VPS50: variants seen among roughly 807,000 people sequenced by gnomAD.
The protein encoded by VPS50 is syndetin.
In VPS50, 70 loss-of-function variants were observed where a neutral mutation model predicts 139.7. That is an observed-to-expected ratio of 0.50 (90% CI 0.41 to 0.61). VPS50 has a LOEUF of 0.61. VPS50 is among the 20% of genes least tolerant of loss of function. The pLI is 0.00. For synonymous variants in VPS50, 365 were observed against 376.7 expected, an observed-to-expected ratio of 0.97 and a Z score of 0.36; for missense variants, 921 against 1,133.7, an observed-to-expected ratio of 0.81 and a Z score of 2.69.
At chr7:93,325,512 C>A (rs1202501654) in intron 21 of VPS50, among the ~76,000 whole-genome samples, 1 of 151,630 alleles carries the variant, frequency 6.6e-6, no homozygotes, top group Non-Finnish European at 1.5e-5. Flanking sequence ...AGTGAACAGG[C>A]AACCTACAAA....
chr7:93,325,386 A>G (rs977925326), intron 21 of VPS50, among the ~76,000 whole-genome samples: 8 of 152,096 alleles, frequency 5.3e-5, no homozygotes, highest in South Asian at 2.1e-4. Flanking sequence ...GGACATAGGC[A>G]TGGGCAAGGA....
At chr7:93,356,528 C>T (rs765076971) in intron 27 of VPS50, among the ~76,000 whole-genome samples, 2 of 152,146 alleles carry the variant, frequency 1.3e-5, no homozygotes, top group Non-Finnish European at 2.9e-5. Flanking sequence ...CACACTGACA[C>T]GTATTAGTGA....
At chr7:93,271,842 T>C (rs1004893315) in intron 10 of VPS50, among the ~76,000 whole-genome samples, 1 of 151,852 alleles carries the variant, frequency 6.6e-6, no homozygotes, top group African/African-American at 2.4e-5. Context: ...TGTATTTGGT[T>C]TCTTCTAGTC....
At chr7:93,283,935 G>A (rs553396197) in intron 12 of VPS50, among the ~76,000 whole-genome samples, 2 of 152,270 alleles carry the variant, frequency 1.3e-5, no homozygotes, top group South Asian at 4.2e-4. Flanking sequence ...GAGTGCCTAT[G>A]GAGCACATGC....
chr7:93,300,123 G>A (rs1796934698), intron 16 of VPS50, among the ~76,000 whole-genome samples: 1 of 152,058 alleles, frequency 6.6e-6, no homozygotes, highest in African/African-American at 2.4e-5. Flanking sequence ...AACTTAATGA[G>A]CTGACAAAAC....
At chr7:93,333,402 A>C (rs1238107471) in intron 21 of VPS50, among the ~76,000 whole-genome samples, 2 of 152,180 alleles carry the variant, frequency 1.3e-5, no homozygotes, top group African/African-American at 4.8e-5. Flanking sequence ...TACTCTTAAT[A>C]ATGTTTTAAA....
At chr7:93,278,984 C>A (rs1293769422) in intron 12 of VPS50, among the ~76,000 whole-genome samples, 1 of 151,948 alleles carries the variant, frequency 6.6e-6, no homozygotes, top group Non-Finnish European at 1.5e-5. Context: ...AGCTTTGGTT[C>A]GAATTGGTGA....
chr7:93,286,235 G>A (rs1310232913), intron 12 of VPS50, among the ~76,000 whole-genome samples: 1 of 152,078 alleles, frequency 6.6e-6, no homozygotes, highest in Non-Finnish European at 1.5e-5. Flanking sequence ...TCTTGGGGAT[G>A]TCTTACTATG....
At chr7:93,277,227 A>G (rs1414870604) in intron 12 of VPS50, among the ~76,000 whole-genome samples, 1 of 152,172 alleles carries the variant, frequency 6.6e-6, no homozygotes, top group East Asian at 1.9e-4. Context: ...TGAAGAAGGA[A>G]GCATTTCAAG....
chr7:93,301,644 C>T (rs1796978656), intron 16 of VPS50, among the ~76,000 whole-genome samples: 2 of 152,152 alleles, frequency 1.3e-5, no homozygotes, highest in Admixed American at 1.3e-4. Flanking sequence ...TGGAGCTCTG[C>T]TAACACCTTG....
At chr7:93,358,238 T>TATCC (rs1798761464) in intron 27 of VPS50, 79 bp from the exon 28 acceptor site, 11 of 1,316,562 alleles carry the variant, frequency 8.4e-6, no homozygotes, top group South Asian at 1.2e-5. Context: ...TGCACCTGAA[T>TATCC]ATCCGCCTGT....
Position 93,355,040 on chromosome 7 carries a change from T to G in VPS50, c.2586-851T>G, listed in dbSNP as rs201952406. The stretch of plus-strand genomic sequence containing the variant: ...AAAAGGCTGTGTCAGCAATCACGAA[T>G]GAAGAGTATTTTAAATAAATTTGTT... On this transcript the variant is annotated intron_variant, in intron 26 of 27. Coordinates refer to ENST00000305866, the MANE Select transcript of VPS50 (RefSeq NM_017667.4). 1.7e-4 allele frequency among the ~76,000 whole-genome samples: 25 copies of G among 151,426 alleles called. No homozygotes were observed. The East Asian group carries it at 4.8e-3, about 29-fold the overall frequency.
intron 21 of VPS50, among the ~76,000 whole-genome samples, chr7:93,326,767 A>G (rs1584473195): frequency 6.6e-6 from 1 of 152,068 alleles, no homozygotes; most frequent in African/African-American, 2.4e-5. Flanking sequence ...CTATGAATAT[A>G]ATACTACTTA....
At chr7:93,245,782 C>T (rs1312098055) in intron 2 of VPS50, among the ~76,000 whole-genome samples, 1 of 151,844 alleles carries the variant, frequency 6.6e-6, no homozygotes, top group Non-Finnish European at 1.5e-5. Flanking sequence ...AAAATGCACA[C>T]AGAAACTGAT....
At chr7:93,325,805 T>C (rs1467312688) in intron 21 of VPS50, among the ~76,000 whole-genome samples, 9 of 151,222 alleles carry the variant, frequency 6.0e-5, no homozygotes, top group African/African-American at 1.9e-4. Context: ...CAACAGGTGC[T>C]GGAGAGGATG....
In VPS50 at chr7:93,341,420, T is replaced by A. The variant is rs771215644; in HGVS notation, c.2059-7T>A. The A allele has an allele frequency of 5.6e-6, 9 of 1,596,418 alleles. No homozygotes were observed. The highest frequency in any genetic ancestry group is 7.7e-6 in the Non-Finnish European group (9 of 1,172,926). Reference sequence around the variant, plus strand: ...TATTCCAGGTTGTATATCTATTGTATTTTCAGGAAGTTTCAGCTGATCCTA... The same window carrying A: ...TATTCCAGGTTGTATATCTATTGTAATTTCAGGAAGTTTCAGCTGATCCTA... On this transcript the variant is annotated splice_polypyrimidine_tract_variant and splice_region_variant and intron_variant, in intron 22 of 27. Transcript: ENST00000305866.
chr7:93,293,304 A>AATT (rs1796702744), intron 13 of VPS50, among the ~76,000 whole-genome samples: 2 of 152,208 alleles, frequency 1.3e-5, no homozygotes, highest in African/African-American at 4.8e-5. Context: ...TTTGGAATAG[A>AATT]ATTAACACAT....
At chr7:93,334,250 C>A in intron 22 of VPS50, 53 bp downstream of exon 22, 1 of 988,288 alleles carries the variant, frequency 1.0e-6, no homozygotes, top group Non-Finnish European at 1.6e-6. Flanking sequence ...TGGAAATTAG[C>A]TATTCAATCA....
chr7:93,332,468 C>A lies in VPS50; in HGVS notation c.1978-1649C>A, dbSNP rs375371071. Reference sequence around the variant, plus strand: ...CATGCATTTTGAGGGAAAACACAAACGTTTAGTCCATGACATGGAACAAAT... The same window carrying A: ...CATGCATTTTGAGGGAAAACACAAAAGTTTAGTCCATGACATGGAACAAAT... On this transcript the variant is annotated intron_variant, in intron 21 of 27. Transcript: ENST00000305866. Among the ~76,000 whole-genome samples the A allele has an allele frequency of 1.2e-4, 18 of 152,222 alleles. No individual in the cohort carries two copies. The South Asian group carries it at 3.7e-3, about 32-fold the overall frequency.
Sources: allele counts gnomAD v4.1 joint callset (sites outside exome capture counted in the v4.1 genomes callset), GRCh38; gene constraint gnomAD v4.1.1; transcripts MANE v1.5; gene names NCBI Gene and HGNC (gene_info 2026-07-23, HGNC 2026-07-21).